TTC28: variants seen among roughly 807,000 people sequenced by gnomAD.
The protein encoded by TTC28 is tetratricopeptide repeat protein 28.
TTC28 carries 61 observed loss-of-function variants against 198.0 expected under a neutral mutation model. The ratio of observed to expected loss-of-function variants is 0.31; its 90% CI spans 0.25 to 0.38. The LOEUF (loss-of-function observed/expected upper bound fraction) is 0.38, where lower values mean the gene tolerates loss of function less well. TTC28 is among the 10% of genes least tolerant of loss of function. The probability of loss-of-function intolerance (pLI) is 1.00; values close to 1 mark genes in which losing one functional copy is unlikely to be tolerated. For missense variants in TTC28, 2,678 were observed against 3,164.0 expected (o/e 0.85, Z 3.69); for synonymous variants, 1,171 against 1,297.8 (o/e 0.90, Z 2.10).
chr22:28,178,784 C>A (rs918445226), intron 5 of TTC28, among the ~76,000 whole-genome samples: 2 of 152,130 alleles, frequency 1.3e-5, no homozygotes, highest in East Asian at 3.8e-4. Flanking sequence ...TATTATTACA[C>A]CCATTGGTGA....
At position 28,273,868 on chromosome 22, in the gene TTC28, TAAC is replaced by T. The variant is rs1426475741; in HGVS notation, c.933+22327_933+22329del. Among the ~76,000 whole-genome samples the T allele has an allele frequency of 3.3e-5, 5 of 152,134 alleles. No homozygotes were observed. In the East Asian group the frequency reaches 9.6e-4, roughly 29 times the overall value. ...AGAGGGAAAAAGATACTATCTTCAA[TAAC>T]AACAACAACATTGAGATAGTTTTCA... On this transcript the variant is annotated intron_variant, in intron 5 of 22. Coordinates refer to ENST00000397906, the MANE Select transcript of TTC28 (RefSeq NM_001145418.2).
chr22:28,013,800 C>T (rs1049951473), intron 14 of TTC28, among the ~76,000 whole-genome samples: 3 of 152,076 alleles, frequency 2.0e-5, no homozygotes, highest in Middle Eastern at 3.4e-3. Context: ...GCCACATCCC[C>T]GAGGCATCTG....
intron 2 of TTC28, among the ~76,000 whole-genome samples, chr22:28,570,385 G>C (rs1026338548): frequency 3.3e-5 from 5 of 152,118 alleles, no homozygotes; most frequent in African/African-American, 7.2e-5. Context: ...CTTAAAAAAA[G>C]AATGAAATCA....
At chr22:28,192,941 C>T (rs561229585) in intron 5 of TTC28, among the ~76,000 whole-genome samples, 280 of 152,200 alleles carry the variant, frequency 1.8e-3, no homozygotes, top group African/African-American at 6.0e-3. Context: ...ATACACAGAA[C>T]GCCACAAAGA....
At chr22:28,353,439 C>T (rs2046029465) in intron 2 of TTC28, among the ~76,000 whole-genome samples, 1 of 152,010 alleles carries the variant, frequency 6.6e-6, no homozygotes, top group Admixed American at 6.6e-5. Flanking sequence ...TTTCTGCTTT[C>T]AAAACTTACT....
chr22:28,429,908 T>C (rs2047406810), intron 2 of TTC28, among the ~76,000 whole-genome samples: 1 of 152,166 alleles, frequency 6.6e-6, no homozygotes, highest in Non-Finnish European at 1.5e-5. Flanking sequence ...TAAAGACTCT[T>C]TTCACCATCC....
Position 28,611,612 on chromosome 22 carries a change from C to T in TTC28, c.381+17940G>A, listed in dbSNP as rs944488099. Reference sequence around the variant, plus strand: ...CATGCTGGTGCGCTGCACCCACTAACATGTCATCTAGCATTAGGTATATCT... The same window carrying T: ...CATGCTGGTGCGCTGCACCCACTAATATGTCATCTAGCATTAGGTATATCT... On this transcript the variant is annotated intron_variant, in intron 2 of 22. Coordinates refer to ENST00000397906, the MANE Select transcript of TTC28 (RefSeq NM_001145418.2). 4.7e-5 allele frequency among the ~76,000 whole-genome samples: 7 copies of T among 148,552 alleles called. No individual in the cohort carries two copies. The South Asian group carries it at 6.7e-4, about 14-fold the overall frequency.
At chr22:28,147,034 T>C (rs1188180616) in intron 6 of TTC28, among the ~76,000 whole-genome samples, 3 of 152,176 alleles carry the variant, frequency 2.0e-5, no homozygotes, top group Non-Finnish European at 4.4e-5. Context: ...TGTTGAAAAC[T>C]GAGAGCCTGT....
intron 6 of TTC28, among the ~76,000 whole-genome samples, chr22:28,129,874 G>A (rs980565463): frequency 3.8e-4 from 58 of 152,148 alleles, no homozygotes; most frequent in Non-Finnish European, 3.8e-4. Context: ...GATTTCCTAG[G>A]TCTAAGGTGA....
chr22:28,185,652 GT>G (rs1924126011), intron 5 of TTC28, among the ~76,000 whole-genome samples: 1 of 152,148 alleles, frequency 6.6e-6, no homozygotes, highest in South Asian at 2.1e-4. Flanking sequence ...AATAACTACA[GT>G]ATGTTTACTT....
chr22:28,118,047 A>G (rs12170022), intron 6 of TTC28, among the ~76,000 whole-genome samples: 10,759 of 152,260 alleles, frequency 0.071, 441 homozygotes, highest in South Asian at 0.093. Flanking sequence ...AATATCTCAT[A>G]TAATCTATAA....
intron 2 of TTC28, among the ~76,000 whole-genome samples, chr22:28,478,505 T>C (rs1308613358): frequency 6.6e-6 from 1 of 151,948 alleles, no homozygotes; most frequent in African/African-American, 2.4e-5. Flanking sequence ...TGAGACTCTG[T>C]CTCAAAATCA....
At chr22:28,506,691 A>C (rs1317566601) in intron 2 of TTC28, among the ~76,000 whole-genome samples, 2 of 152,228 alleles carry the variant, frequency 1.3e-5, no homozygotes, top group African/African-American at 2.4e-5. Context: ...CCTGGGACAG[A>C]GCATTCAGAA....
intron 6 of TTC28, among the ~76,000 whole-genome samples, chr22:28,117,308 T>G (rs1456410103): frequency 6.6e-6 from 1 of 152,178 alleles, no homozygotes; most frequent in Non-Finnish European, 1.5e-5. Flanking sequence ...AATATAATAC[T>G]TTGTTGTATT....
At chr22:28,108,628 A>G (rs1942396191) in intron 6 of TTC28, among the ~76,000 whole-genome samples, 1 of 152,250 alleles carries the variant, frequency 6.6e-6, no homozygotes. Flanking sequence ...TACAAAAATA[A>G]GAATGTTTGT....
intron 5 of TTC28, among the ~76,000 whole-genome samples, chr22:28,257,742 A>C: frequency 6.7e-5 from 1 of 14,860 alleles, no homozygotes; most frequent in South Asian, 4.0e-3. Context: ...AATAGAACAT[A>C]TATATATATA....
intron 5 of TTC28, among the ~76,000 whole-genome samples, chr22:28,272,195 G>T (rs751438335): frequency 6.6e-6 from 1 of 152,170 alleles, no homozygotes; most frequent in Non-Finnish European, 1.5e-5. Flanking sequence ...GTGCTTCATA[G>T]ATGTTCCCAA....
At chr22:28,184,613 AATT>A (rs1291401815) in intron 5 of TTC28, among the ~76,000 whole-genome samples, 1 of 152,118 alleles carries the variant, frequency 6.6e-6, no homozygotes, top group Non-Finnish European at 1.5e-5. Flanking sequence ...CTGATACTAA[AATT>A]ATTATTTTTT....
chr22:28,487,421 A>G (rs1000723210), intron 2 of TTC28, among the ~76,000 whole-genome samples: 1 of 151,880 alleles, frequency 6.6e-6, no homozygotes, highest in Non-Finnish European at 1.5e-5. Context: ...GTATAAATGC[A>G]TATATAAATT....
Sources: gnomAD v4.1 joint callset for allele counts (sites outside exome capture counted in the v4.1 genomes callset) on GRCh38, gnomAD v4.1.1 for gene constraint, MANE v1.5 for transcripts, NCBI Gene and HGNC (gene_info 2026-07-23, HGNC 2026-07-21) for gene names.